CLXN: variants seen among roughly 807,000 people sequenced by gnomAD.
CLXN encodes the protein EF-hand calcium binding domain 1.
chr8:48,729,720 C>T, the CLXN span: 1 of 1,600,042 alleles, frequency 6.2e-7, no homozygotes, highest in African/African-American at 1.3e-5. Flanking sequence ...CCATATTTAC[C>T]ATTTTCTTCA....
chr8:48,733,582 C>T, the CLXN span, among the ~76,000 whole-genome samples: 21 of 152,140 alleles, frequency 1.4e-4, no homozygotes, highest in South Asian at 4.4e-3. Context: ...AAAGTTCTTC[C>T]GTTAAAGAAA....
At chr8:48,719,786 G>A in the CLXN span, among the ~76,000 whole-genome samples, 1 of 152,180 alleles carries the variant, frequency 6.6e-6, no homozygotes, top group African/African-American at 2.4e-5. Context: ...GAAAGGCCAT[G>A]TATGAAAAGC....
chr8:48,735,056 A>G, the CLXN span: 16 of 1,612,536 alleles, frequency 9.9e-6, no homozygotes, highest in Non-Finnish European at 1.2e-5. Context: ...GGCTCGGTCC[A>G]GGAGCCTCGG....
At chr8:48,730,422 C>A in the CLXN span, 1 of 560,196 alleles carries the variant, frequency 1.8e-6, no homozygotes, top group Non-Finnish European at 3.1e-6. Flanking sequence ...GGGATTCAAA[C>A]CAACTAACCA....
At chr8:48,711,539 G>A in the CLXN span, 2 of 152,372 alleles carry the variant, frequency 1.3e-5, no homozygotes, top group African/African-American at 4.8e-5. Flanking sequence ...TTACATCCAA[G>A]CAGGAAACTC....
At chr8:48,729,982 AGTG>A in the CLXN span, 1 of 947,578 alleles carries the variant, frequency 1.1e-6, no homozygotes, top group Non-Finnish European at 1.5e-6. Flanking sequence ...CACAGGTCTT[AGTG>A]CAGCCTGATT....
At chr8:48,730,603 C>A in the CLXN span, 2 of 1,611,946 alleles carry the variant, frequency 1.2e-6, no homozygotes, top group South Asian at 2.2e-5. Flanking sequence ...CACTCCAATA[C>A]ATTTACACAG....
At chr8:48,734,290 G>C in the CLXN span, among the ~76,000 whole-genome samples, 1 of 152,136 alleles carries the variant, frequency 6.6e-6, no homozygotes, top group East Asian at 1.9e-4. Flanking sequence ...AAGTTTGCTC[G>C]ACAGGAAATT....
the CLXN span, chr8:48,723,350 T>C: frequency 3.3e-5 from 5 of 152,334 alleles, no homozygotes; most frequent in Admixed American, 3.3e-4. Context: ...AAAAATTGTG[T>C]CAAAGTCCAT....
chr8:48,713,162 C>G, the CLXN span, among the ~76,000 whole-genome samples: 2 of 152,200 alleles, frequency 1.3e-5, no homozygotes. Flanking sequence ...CAATCCCTGA[C>G]AGAGAGGGCA....
the CLXN span, chr8:48,711,280 A>C: frequency 2.0e-5 from 3 of 152,074 alleles, no homozygotes; most frequent in Admixed American, 6.5e-5. Context: ...CGGCCCAAAG[A>C]AGCATTCCTT....
the CLXN span, among the ~76,000 whole-genome samples, chr8:48,726,439 T>G: frequency 7.5e-6 from 1 of 133,922 alleles, no homozygotes; most frequent in African/African-American, 2.9e-5. Flanking sequence ...CTCATCCATC[T>G]ACCCACCCAC....
chr8:48,729,809 T>C, the CLXN span: 4 of 1,613,406 alleles, frequency 2.5e-6, no homozygotes, highest in Non-Finnish European at 3.4e-6. Context: ...TTCTTCAACA[T>C]GTGAAACATT....
the CLXN span, among the ~76,000 whole-genome samples, chr8:48,725,975 G>GACCC: frequency 2.7e-5 from 4 of 150,476 alleles, no homozygotes; most frequent in Admixed American, 2.7e-4. Flanking sequence ...GCACTTCTGA[G>GACCC]ACCCACCCAC....
chr8:48,711,878 G>T, the CLXN span: 1 of 152,198 alleles, frequency 6.6e-6, no homozygotes, highest in Non-Finnish European at 1.5e-5. Context: ...GATGAAAATA[G>T]TAAGTAATGT....
chr8:48,714,588 C>G, the CLXN span, among the ~76,000 whole-genome samples: 52 of 152,082 alleles, frequency 3.4e-4, no homozygotes, highest in Non-Finnish European at 6.3e-4. Flanking sequence ...AGTTTAGGTA[C>G]AGATGTCTAA....
chr8:48,724,796 C>T, the CLXN span: 30 of 1,610,804 alleles, frequency 1.9e-5, no homozygotes, highest in Non-Finnish European at 2.5e-5. Flanking sequence ...CAAATTCCAT[C>T]TGGCTCTGTA....
the CLXN span, chr8:48,729,280 T>C: frequency 9.0e-6 from 6 of 669,720 alleles, no homozygotes; most frequent in Admixed American, 9.4e-5. Context: ...ATCATAGCAC[T>C]TTGGGAGGCT....
the CLXN span, chr8:48,731,353 T>C: frequency 3.1e-6 from 5 of 1,610,974 alleles, no homozygotes; most frequent in South Asian, 4.4e-5. Flanking sequence ...CTTACCTCTG[T>C]CCATAATCAT....
Sources: allele counts gnomAD v4.1 joint callset (sites outside exome capture counted in the v4.1 genomes callset), GRCh38; gene constraint gnomAD v4.1.1; transcripts MANE v1.5; gene names NCBI Gene and HGNC (gene_info 2026-07-23, HGNC 2026-07-21).